VAT1L: variants seen among roughly 807,000 people sequenced by gnomAD.
VAT1L encodes vesicle amine transport 1 like, also known as putative NADPH-dependent quinone oxidoreductase VAT1L.
In VAT1L, 34 loss-of-function variants were observed where a neutral mutation model predicts 44.1. The observed-to-expected ratio is 0.77, with a 90% confidence interval of 0.59 to 1.03. VAT1L has a LOEUF of 1.03. Ranked by LOEUF, VAT1L falls within the 50% of genes least tolerant of loss-of-function variation. VAT1L has a pLI of 0.00. For missense variants in VAT1L, 615 were observed against 538.8 expected, an observed-to-expected ratio of 1.14 and a Z score of -1.40; for synonymous variants, 253 against 202.2, an observed-to-expected ratio of 1.25 and a Z score of -2.13.
At chr16:77,955,719 TC>T (rs869219858) in intron 7 of VAT1L, among the ~76,000 whole-genome samples, 117 of 73,538 alleles carry the variant, frequency 1.6e-3, no homozygotes, top group East Asian at 9.6e-3. Flanking sequence ...AGGCTCCATA[TC>T]CCCCCCCCCA....
At chr16:77,900,008 G>C (rs375731749) in intron 7 of VAT1L, among the ~76,000 whole-genome samples, 4 of 152,294 alleles carry the variant, frequency 2.6e-5, no homozygotes, top group African/African-American at 9.6e-5. Context: ...CGTATGCAAG[G>C]CTTTGCTGGA....
At chr16:77,810,548 A>G (rs2016246920) in intron 1 of VAT1L, among the ~76,000 whole-genome samples, 1 of 152,064 alleles carries the variant, frequency 6.6e-6, no homozygotes, top group Non-Finnish European at 1.5e-5. Context: ...CACTTCCCAC[A>G]CTTCCCAGCA....
intron 3 of VAT1L, among the ~76,000 whole-genome samples, chr16:77,845,093 C>A (rs570410181): frequency 1.3e-5 from 2 of 151,866 alleles, no homozygotes; most frequent in South Asian, 4.1e-4. Context: ...GCATTTTCTT[C>A]CTAGTCACAG....
At chr16:77,962,475 C>T (rs2018171103) in intron 7 of VAT1L, among the ~76,000 whole-genome samples, 1 of 152,100 alleles carries the variant, frequency 6.6e-6, no homozygotes, top group Non-Finnish European at 1.5e-5. Context: ...GGGCCCAGGT[C>T]TCAGAGTAGA....
At chr16:77,892,331 T>C (rs1567500207) in intron 7 of VAT1L, 1 of 300,092 alleles carries the variant, frequency 3.3e-6, no homozygotes, top group Non-Finnish European at 6.5e-6. Flanking sequence ...GGACCCTCTT[T>C]AAAGATTTAG....
chr16:77,922,792 A>G (rs35756993), intron 7 of VAT1L, among the ~76,000 whole-genome samples: 74,288 of 152,006 alleles, frequency 0.49, 18,818 homozygotes, highest in South Asian at 0.64. Flanking sequence ...CCCCCTCCCC[A>G]TGGAGCCAGG....
At chr16:77,942,917 G>A (rs1208543684) in intron 7 of VAT1L, among the ~76,000 whole-genome samples, 1 of 150,924 alleles carries the variant, frequency 6.6e-6, no homozygotes, top group African/African-American at 2.4e-5. Context: ...GCTAATTTTT[G>A]TACTTTTAGT....
intron 3 of VAT1L, among the ~76,000 whole-genome samples, chr16:77,833,946 G>A (rs576289506): frequency 1.3e-5 from 2 of 152,212 alleles, no homozygotes; most frequent in South Asian, 4.2e-4. Flanking sequence ...ATTCACTGCT[G>A]TTTTACTTCT....
intron 7 of VAT1L, among the ~76,000 whole-genome samples, chr16:77,950,558 A>G (rs1221970745): frequency 2.6e-5 from 4 of 152,210 alleles, no homozygotes; most frequent in East Asian, 3.9e-4. Context: ...TATATATTTT[A>G]TATAGATAAG....
intron 7 of VAT1L, among the ~76,000 whole-genome samples, chr16:77,902,795 C>G (rs952214886): frequency 5.3e-5 from 8 of 149,728 alleles, no homozygotes; most frequent in African/African-American, 2.0e-4. Context: ...ATGGTGAAAC[C>G]CCATCTCTAC....
At chr16:77,909,219 A>G (rs1360355104) in intron 7 of VAT1L, among the ~76,000 whole-genome samples, 1 of 152,230 alleles carries the variant, frequency 6.6e-6, no homozygotes, top group Non-Finnish European at 1.5e-5. Flanking sequence ...ACAGTAAGAC[A>G]TGAAAGACAA....
chr16:77,849,510 T>G (rs1046102674), intron 3 of VAT1L, among the ~76,000 whole-genome samples: 2 of 152,196 alleles, frequency 1.3e-5, no homozygotes, highest in African/African-American at 4.8e-5. Context: ...GGGGATGGCT[T>G]GGTAAACAAT....
intron 7 of VAT1L, among the ~76,000 whole-genome samples, chr16:77,914,788 A>T (rs980953190): frequency 2.6e-5 from 4 of 152,190 alleles, no homozygotes; most frequent in African/African-American, 4.8e-5. Context: ...CATAGATCAA[A>T]TATCAGTCAC....
chr16:77,908,199 A>G (rs1313439127), intron 7 of VAT1L, among the ~76,000 whole-genome samples: 1 of 151,226 alleles, frequency 6.6e-6, no homozygotes, highest in Admixed American at 6.6e-5. Context: ...AGATGGCACC[A>G]CTGCACTCCA....
intron 7 of VAT1L, among the ~76,000 whole-genome samples, chr16:77,925,086 G>A (rs1413527563): frequency 6.6e-6 from 1 of 152,132 alleles, no homozygotes; most frequent in Non-Finnish European, 1.5e-5. Context: ...TCAGCTTATA[G>A]GTAGTCCTCA....
intron 4 of VAT1L, 61 bp from the exon 5 acceptor site, chr16:77,876,309 G>C (rs903453616): frequency 1.4e-6 from 2 of 1,404,398 alleles, no homozygotes; most frequent in South Asian, 1.2e-5. Flanking sequence ...GGAAAGGAAA[G>C]GGATTGACAG....
chr16:77,895,470 T>C (rs1388156910), intron 7 of VAT1L, among the ~76,000 whole-genome samples: 2 of 152,146 alleles, frequency 1.3e-5, no homozygotes, highest in East Asian at 3.9e-4. Flanking sequence ...CACAAGGGCC[T>C]ATGTAAGAGA....
intron 8 of VAT1L, among the ~76,000 whole-genome samples, chr16:77,973,118 T>C (rs2018298104): frequency 6.6e-6 from 1 of 152,142 alleles, no homozygotes; most frequent in African/African-American, 2.4e-5. Flanking sequence ...AGTGGTGTGG[T>C]CAGTGCACAG....
rs745904989 is a variant in VAT1L, at chr16:77,825,347, C to G, written c.465C>G (p.Phe155Leu). The change falls in exon 3 of 9, where the codon TTC (phenylalanine) becomes TTG (leucine). Residue 155 changes from phenylalanine (F) to leucine (L), a missense_variant. Transcript: ENST00000302536. ...FVYKIPDDMSFSEAAAFPMNF... is the reference protein window; with the variant it reads ...FVYKIPDDMSLSEAAAFPMNF... ...ACAAGATCCCGGATGACATGAGCTTCTCCGAGGCTGCTGCATTCCCCATGA... is the reference window on the plus strand; with the variant it reads ...ACAAGATCCCGGATGACATGAGCTTGTCCGAGGCTGCTGCATTCCCCATGA... The G allele has an allele frequency of 1.9e-6, 3 of 1,614,218 alleles. No homozygotes were observed. The highest frequency in any genetic ancestry group is 2.2e-5 in the South Asian group (2 of 91,086).
Sources: allele counts gnomAD v4.1 joint callset (sites outside exome capture counted in the v4.1 genomes callset), GRCh38; gene constraint gnomAD v4.1.1; transcripts MANE v1.5; gene names NCBI Gene and HGNC (gene_info 2026-07-23, HGNC 2026-07-21).